The following UMODL1 variants were observed in gnomAD, a reference collection of about 807,000 sequenced individuals.
UMODL1 encodes the protein uromodulin like 1.
Under a neutral mutation model 136.3 loss-of-function variants are expected in UMODL1, and 128 were observed. That is an observed-to-expected ratio of 0.94 (90% CI 0.81 to 1.09). The LOEUF (loss-of-function observed/expected upper bound fraction) is 1.09. UMODL1 is among the 50% of genes least tolerant of loss of function. UMODL1 has a pLI of 0.00. For missense variants in UMODL1, 1,766 were observed against 1,725.6 expected (o/e 1.02, Z -0.41); for synonymous variants, 721 against 720.0 (o/e 1.00, Z -0.02).
chr21:42,087,893 G>A (rs1034330342), intron 4 of UMODL1, among the ~76,000 whole-genome samples: 1 of 152,210 alleles, frequency 6.6e-6, no homozygotes, highest in African/African-American at 2.4e-5. Flanking sequence ...TCTTCACACT[G>A]TCTTCCCCCA....
intron 11 of UMODL1, 40 bp from the exon 12 acceptor site, chr21:42,111,466 T>C: frequency 6.2e-7 from 1 of 1,613,754 alleles, no homozygotes; most frequent in Non-Finnish European, 8.5e-7. Flanking sequence ...ACAGCTTCCC[T>C]CCTGGGGCCA....
chr21:42,083,821 C>T (rs552968842), intron 2 of UMODL1, among the ~76,000 whole-genome samples: 1 of 152,350 alleles, frequency 6.6e-6, no homozygotes, highest in South Asian at 2.1e-4. Flanking sequence ...TGGACCTGGA[C>T]TTCTGAGGCC....
rs900975991 is a variant in UMODL1 at position 42,120,028 on chromosome 21, A to C, written c.2689+704A>C. 2.2e-4 allele frequency among the ~76,000 whole-genome samples: 34 copies of C among 151,128 alleles called. 1 individual carries two copies. Among genetic ancestry groups the C allele is most frequent in the Admixed American group, 1.2e-3 (19 of 15,222 alleles). On this transcript the variant is annotated intron_variant, in intron 15 of 22. Coordinates refer to ENST00000408910, the MANE Select transcript of UMODL1 (RefSeq NM_001004416.3). ...TCATACAAATAGATAAATATTAAGA[A>C]CCTGATGGATAAATGCACGAAAGCT...
chr21:42,089,851 G>A (rs2066469296), intron 5 of UMODL1, among the ~76,000 whole-genome samples: 1 of 152,232 alleles, frequency 6.6e-6, no homozygotes, highest in South Asian at 2.1e-4. Context: ...GGCCCTGTCT[G>A]AGGCTGGCTG....
At chr21:42,082,058 G>A (rs527353392) in intron 2 of UMODL1, among the ~76,000 whole-genome samples, 6 of 152,338 alleles carry the variant, frequency 3.9e-5, no homozygotes, top group African/African-American at 9.6e-5. Flanking sequence ...CAGGGACAAC[G>A]CAGGAAAGAG....
intron 1 of UMODL1, among the ~76,000 whole-genome samples, chr21:42,064,586 C>T (rs1233086855): frequency 1.3e-5 from 2 of 152,116 alleles, no homozygotes; most frequent in African/African-American, 4.8e-5. Context: ...GACAGAGTTT[C>T]GCTTTAGTTG....
intron 1 of UMODL1, among the ~76,000 whole-genome samples, chr21:42,064,418 C>G (rs1408491623): frequency 1.3e-5 from 2 of 152,190 alleles, no homozygotes; most frequent in South Asian, 2.1e-4. Flanking sequence ...TTGAGTCTGC[C>G]TACGTTGGCA....
At chr21:42,097,151 C>T (rs534047373) in intron 6 of UMODL1, among the ~76,000 whole-genome samples, 1 of 152,080 alleles carries the variant, frequency 6.6e-6, no homozygotes, top group South Asian at 2.1e-4. Flanking sequence ...ACCAGTATGC[C>T]GAAAATCACT....
chr21:42,117,018 G>A (rs1196587672), intron 14 of UMODL1, among the ~76,000 whole-genome samples: 1 of 152,116 alleles, frequency 6.6e-6, no homozygotes, highest in Non-Finnish European at 1.5e-5. Context: ...AGAGGTTGCA[G>A]TGAGCTGAGA....
rs369594233 is a variant in UMODL1 at position 42,126,432 on chromosome 21, A to G, written c.3235A>G (p.Ile1079Val). 1 of 1,614,212 alleles carries G rather than the reference A, an allele frequency of 6.2e-7. No individual in the cohort carries two copies. The change falls in exon 18 of 23, where the codon ATC (isoleucine) becomes GTC (valine). Residue 1079 changes from isoleucine to valine, a missense_variant. By Grantham distance (29) the Ile-to-Val change is conservative. Transcript: ENST00000408910. ...CCACCACCTGAAGATCCTGAGCCCC[A>G]TCTACTGCGCCTTCCAGAATGACCT... ...IIHHLKILSP[I>V]YCAFQNDLLT...
rs201993078 is a variant in UMODL1 at position 42,109,648 on chromosome 21, T to G, written c.1606T>G (p.Cys536Gly). 27 of 1,609,440 alleles carry G rather than the reference T, an allele frequency of 1.7e-5. 2 individuals are homozygous for G. The highest frequency in any genetic ancestry group is 3.3e-4 in the Middle Eastern group (2 of 6,062). The change falls in exon 10 of 23, where the codon TGC becomes GGC. Residue 536 changes from cysteine to glycine, a missense_variant. By Grantham distance (159) the Cys-to-Gly change is radical. Coordinates refer to ENST00000408910, the MANE Select transcript of UMODL1 (RefSeq NM_001004416.3). ...CCTGGAGGGCTCCTACACCTGCCAGTGCCGTACCACCAGGGACGCCACCCC... is the reference window on the plus strand; with the variant it reads ...CCTGGAGGGCTCCTACACCTGCCAGGGCCGTACCACCAGGGACGCCACCCC... The part of the protein sequence containing the change: ...INLEGSYTCQ[C>G]RTTRDATPSR...
Position 42,109,715 on chromosome 21 carries a change from C to A in UMODL1, c.1657+16C>A. On this transcript the variant is annotated intron_variant, in intron 10 of 22. Transcript: ENST00000408910. ...GCCTGTGAGGGTACGTGTCGACCCC[C>A]CTGCCGACTCTGGGAAGACCCCCTG... 6.3e-7 allele frequency: 1 copy of A among 1,598,384 alleles called. No homozygotes were observed. The highest frequency in any genetic ancestry group is 8.5e-7 in the Non-Finnish European group (1 of 1,179,100).
rs757477018 is a variant in UMODL1, at chr21:42,122,947, C to G, written c.2944C>G (p.Arg982Gly). 6.2e-7 allele frequency: 1 copy of G among 1,613,902 alleles called. No individual in the cohort carries two copies. ...CCCCACCCCCCAAGGCCTGCCCCAG[C>G]GGCTGAACCTGACCGGAGCAGTCAG... Reference protein sequence around the residue: ...TSPTPQGLPQRLNLTGAVRVL... With the variant: ...TSPTPQGLPQGLNLTGAVRVL... Residue 982 changes from arginine to glycine, a missense_variant, in exon 17 of 23, where the codon CGG (arginine) becomes GGG (glycine). Transcript: ENST00000408910. This position sits in a 1 kb window ranked among gnomAD's most constrained non-coding sequence, Gnocchi z 4.3.
Position 42,064,112 on chromosome 21 carries a change from C to T in UMODL1, c.-141+898C>T, listed in dbSNP as rs2066164453. On this transcript the variant is annotated intron_variant, in intron 1 of 22. Transcript: ENST00000400424. ...CCCGAGGTGAATGTCCCCAAGGCTG[C>T]TGGTGAATCAGATCCCTGGCGTTCT... Among the ~76,000 whole-genome samples the T allele has an allele frequency of 2.6e-5, 4 of 152,204 alleles. No homozygotes were observed. The South Asian group carries it at 8.3e-4, about 32-fold the overall frequency.
At chr21:42,074,509 G>A (rs909654567) in intron 1 of UMODL1, among the ~76,000 whole-genome samples, 1 of 152,216 alleles carries the variant, frequency 6.6e-6, no homozygotes, top group Non-Finnish European at 1.5e-5. Flanking sequence ...CACCACGTCA[G>A]GGGATGTCCA....
chr21:42,109,449 C>G, intron 9 of UMODL1, 113 bp from the exon 10 acceptor site: 1 of 1,474,798 alleles, frequency 6.8e-7, no homozygotes, highest in Non-Finnish European at 9.2e-7. Context: ...TGCCCCTGCT[C>G]CCGGCCGTTC....
chr21:42,080,013 C>A (rs748555111), intron 2 of UMODL1, among the ~76,000 whole-genome samples: 1 of 152,238 alleles, frequency 6.6e-6, no homozygotes, highest in South Asian at 2.1e-4. Flanking sequence ...GCAACTCCTG[C>A]CGCTGGAGGG....
chr21:42,085,428 G>A lies in UMODL1; in HGVS notation c.603+16G>A, dbSNP rs200187878. 48 of 1,613,420 alleles carry A rather than the reference G, an allele frequency of 3.0e-5. No homozygotes were observed. The highest frequency in any genetic ancestry group is 2.4e-4 in the African/African-American group (18 of 75,050). ...GCATTCCTTGGTAGGTGAGACAGAC[G>A]GGGGCTGCCTGCACCCTCCTTGTGG... On this transcript the variant is annotated intron_variant, in intron 4 of 22. Coordinates refer to ENST00000408910, the MANE Select transcript of UMODL1 (RefSeq NM_001004416.3). This position sits in a 1 kb window ranked among gnomAD's most constrained non-coding sequence, Gnocchi z 4.5.
rs2066603512 is a variant in UMODL1, at chr21:42,099,693, CT to C, written c.1186+518del. 6.6e-6 allele frequency among the ~76,000 whole-genome samples: 1 copy of C among 151,958 alleles called. No individual in the cohort carries two copies. The highest frequency in any genetic ancestry group is 2.4e-5 in the African/African-American group (1 of 41,356). On this transcript the variant is annotated intron_variant, in intron 7 of 22. Coordinates refer to ENST00000408910, the MANE Select transcript of UMODL1 (RefSeq NM_001004416.3). The surrounding 1 kb of genome is among the most constrained non-coding windows in gnomAD (Gnocchi z 4.1). ...TTGGTGCTGGGACAAAACGTTTTTT[CT>C]TTTTGAGACAGGGTCTCGCTCTGTC...
Sources: gnomAD v4.1 joint callset for allele counts (sites outside exome capture counted in the v4.1 genomes callset) on GRCh38, gnomAD v4.1.1 for gene constraint, Gnocchi (gnomAD v3.1) non-coding constraint, MANE v1.5 for transcripts, NCBI Gene and HGNC (gene_info 2026-07-23, HGNC 2026-07-21) for gene names.